The following EPHA5 variants were observed in gnomAD, a reference collection of about 807,000 sequenced individuals.
The protein encoded by EPHA5 is EPH receptor A5.
EPHA5 carries 60 observed loss-of-function variants against 105.0 expected under a neutral mutation model. The observed-to-expected ratio is 0.57, with a 90% CI of 0.46 to 0.71. EPHA5 has a LOEUF of 0.71. Ranked by LOEUF, EPHA5 falls within the 30% of genes least tolerant of loss-of-function variation. EPHA5 has a pLI of 0.00. For missense variants in EPHA5, 1,218 were observed against 1,274.7 expected (o/e 0.96, Z 0.68); for synonymous variants, 513 against 449.1 (o/e 1.14, Z -1.80).
chr4:65,339,852 T>C (rs1176820935), intron 14 of EPHA5, among the ~76,000 whole-genome samples: 3 of 152,082 alleles, frequency 2.0e-5, no homozygotes, highest in Admixed American at 2.0e-4. Flanking sequence ...GGGCATTGTA[T>C]ATGGAAGGAA....
At chr4:65,469,284 GT>G (rs1181845717) in intron 5 of EPHA5, among the ~76,000 whole-genome samples, 1 of 152,112 alleles carries the variant, frequency 6.6e-6, no homozygotes, top group Non-Finnish European at 1.5e-5. Context: ...TATTGTTTAA[GT>G]ACATTCTGGT....
intron 7 of EPHA5, among the ~76,000 whole-genome samples, chr4:65,408,599 T>G (rs1048550588): frequency 2.6e-5 from 4 of 152,044 alleles, no homozygotes; most frequent in Non-Finnish European, 5.9e-5. Context: ...ATGCTCACCA[T>G]CACTGGCCAT....
chr4:65,391,172 G>T (rs1163499476), intron 8 of EPHA5, among the ~76,000 whole-genome samples: 1 of 151,986 alleles, frequency 6.6e-6, no homozygotes, highest in Non-Finnish European at 1.5e-5. Flanking sequence ...ACCTCCACCT[G>T]GTCTCTCCTT....
At chr4:65,576,115 A>AAAGAAAAGAGAAAAG (rs1553943548) in intron 3 of EPHA5, among the ~76,000 whole-genome samples, 1 of 45,692 alleles carries the variant, frequency 2.2e-5, no homozygotes, top group African/African-American at 6.8e-5. Context: ...AAAGAAAAGA[A>AAAGAAAAGAGAAAAG]AAAAGAAAAG....
intron 14 of EPHA5, among the ~76,000 whole-genome samples, chr4:65,340,870 C>T (rs1418427537): frequency 6.6e-6 from 1 of 152,198 alleles, no homozygotes; most frequent in East Asian, 1.9e-4. Context: ...CACATGTGCA[C>T]CTGCATAAAG....
At chr4:65,568,288 G>A (rs13144847) in intron 3 of EPHA5, among the ~76,000 whole-genome samples, 6,517 of 151,430 alleles carry the variant, frequency 0.043, 200 homozygotes, top group South Asian at 0.092. Context: ...TAGTAAGTAG[G>A]AGAATTGAAT....
At chr4:65,626,075 T>A (rs1746125117) in intron 2 of EPHA5, among the ~76,000 whole-genome samples, 1 of 140,520 alleles carries the variant, frequency 7.1e-6, no homozygotes, top group Admixed American at 7.6e-5. Flanking sequence ...CACTCCAGCC[T>A]GGGTGACAGA....
chr4:65,489,733 T>G (rs2149210385), intron 5 of EPHA5, among the ~76,000 whole-genome samples: 1 of 152,336 alleles, frequency 6.6e-6, no homozygotes, highest in Admixed American at 6.5e-5. Context: ...GACAAATCAG[T>G]AGCTCAGACA....
intron 8 of EPHA5, among the ~76,000 whole-genome samples, chr4:65,381,767 G>A (rs190875532): frequency 1.3e-5 from 2 of 151,738 alleles, no homozygotes; most frequent in East Asian, 3.9e-4. Context: ...GATCATAAGT[G>A]CCCAGCCCTC....
chr4:65,492,608 G>A (rs1464590296), intron 4 of EPHA5, among the ~76,000 whole-genome samples: 1 of 149,986 alleles, frequency 6.7e-6, no homozygotes, highest in Non-Finnish European at 1.5e-5. Flanking sequence ...TGTCATACCG[G>A]CCATCTCACA....
chr4:65,526,334 G>A (rs532786548), intron 3 of EPHA5, among the ~76,000 whole-genome samples: 99 of 151,840 alleles, frequency 6.5e-4, no homozygotes, highest in Middle Eastern at 6.8e-3. Context: ...TCAAGGTCTA[G>A]AATCCTTTTA....
intron 8 of EPHA5, among the ~76,000 whole-genome samples, chr4:65,396,403 G>T (rs188998370): frequency 1.3e-5 from 2 of 152,016 alleles, no homozygotes; most frequent in Non-Finnish European, 1.5e-5. Context: ...AGGACATTAC[G>T]TTACTTTTGA....
chr4:65,568,168 A>G (rs867556099), intron 3 of EPHA5, among the ~76,000 whole-genome samples: 22 of 151,648 alleles, frequency 1.5e-4, no homozygotes, highest in African/African-American at 4.3e-4. Context: ...GATGACAACT[A>G]TATTTTTCAA....
At chr4:65,609,865 C>CA (rs985560587) in intron 2 of EPHA5, among the ~76,000 whole-genome samples, 22 of 150,210 alleles carry the variant, frequency 1.5e-4, no homozygotes, top group East Asian at 7.8e-4. Flanking sequence ...AATATGCAAA[C>CA]AAAAAAAACC....
chr4:65,531,328 C>T (rs1250040667), intron 3 of EPHA5, among the ~76,000 whole-genome samples: 2 of 152,136 alleles, frequency 1.3e-5, no homozygotes, highest in African/African-American at 2.4e-5. Context: ...TGAGCCACCG[C>T]GCCCGGCCTT....
intron 3 of EPHA5, among the ~76,000 whole-genome samples, chr4:65,562,380 C>T (rs1335493019): frequency 6.6e-6 from 1 of 151,928 alleles, no homozygotes; most frequent in Admixed American, 6.6e-5. Context: ...TTAGGGTTCT[C>T]CAAAATGACC....
chr4:65,459,290 T>A (rs1727904375), intron 5 of EPHA5, among the ~76,000 whole-genome samples: 1 of 151,948 alleles, frequency 6.6e-6, no homozygotes, highest in Non-Finnish European at 1.5e-5. Flanking sequence ...TTATTGTATC[T>A]CATCAATAAC....
At chr4:65,331,794 C>T (rs1720643148) in intron 16 of EPHA5, 179 bp downstream of exon 16, 1 of 1,258,330 alleles carries the variant, frequency 7.9e-7, no homozygotes, top group African/African-American at 1.5e-5. Flanking sequence ...AAGATACTGG[C>T]CACATGTAGC....
At chr4:65,606,993 T>C (rs1744291639) in intron 2 of EPHA5, among the ~76,000 whole-genome samples, 1 of 152,170 alleles carries the variant, frequency 6.6e-6, no homozygotes, top group African/African-American at 2.4e-5. Context: ...GAGTCACATA[T>C]TTTAAATATA....
Sources: allele counts gnomAD v4.1 joint callset (sites outside exome capture counted in the v4.1 genomes callset), GRCh38; gene constraint gnomAD v4.1.1; transcripts MANE v1.5; gene names NCBI Gene and HGNC (gene_info 2026-07-23, HGNC 2026-07-21).